Variants in TOP3A observed in about 807,000 individuals in gnomAD.
TOP3A encodes DNA topoisomerase III alpha, also known as DNA topoisomerase 3-alpha.
Under a neutral mutation model 111.3 loss-of-function variants are expected in TOP3A, and 64 were observed. The ratio of observed to expected loss-of-function variants is 0.57; its 90% confidence interval spans 0.47 to 0.71. The LOEUF is 0.71. TOP3A is among the 30% of genes least tolerant of loss of function. The pLI, the probability that TOP3A is intolerant of heterozygous loss-of-function variation, is 0.00. For synonymous variants in TOP3A, 484 were observed against 485.1 expected, an observed-to-expected ratio of 1.00 and a Z score of 0.03; for missense variants, 1,104 against 1,285.0, an observed-to-expected ratio of 0.86 and a Z score of 2.15.
chr17:18,308,756 T>C (rs1387461405), intron 2 of TOP3A, 126 bp downstream of exon 2: 1 of 565,024 alleles, frequency 1.8e-6, no homozygotes, highest in Non-Finnish European at 3.0e-6. Context: ...GATCACCCCA[T>C]ATCCAGGAAC....
chr17:18,276,178 C>T (rs542082457), intron 18 of TOP3A, among the ~76,000 whole-genome samples: 12 of 152,300 alleles, frequency 7.9e-5, no homozygotes, highest in Admixed American at 7.8e-4. Context: ...GCAAGCTGGC[C>T]TGTGTGGTAG....
rs1388208939 is a variant in TOP3A, at chr17:18,282,683, A to G, written c.2021+15T>C. 4 of 1,612,632 alleles carry G rather than the reference A, an allele frequency of 2.5e-6. No homozygotes were observed. In the South Asian group the frequency reaches 4.4e-5, roughly 18 times the overall value. On this transcript the variant is annotated intron_variant, in intron 16 of 18. Transcript: ENST00000321105. ...GCTGGGGAGCAGAGGTGGGGGCAGA[A>G]GGCAGCGCACTCACCCGCCATTCTT... is the stretch of plus-strand genomic sequence containing the variant.
In TOP3A at chr17:18,301,875, G is replaced by T; in HGVS notation, c.915+10C>A. The T allele has an allele frequency of 1.2e-6, 2 of 1,610,604 alleles. No individual in the cohort carries two copies. The highest frequency in any genetic ancestry group is 1.7e-6 in the Non-Finnish European group (2 of 1,177,056). ...TGCAGAATGTTTCCTAGATCATTAGGGGTTCTTACCTCCACACACAACTGA... is the reference window on the plus strand; with the variant it reads ...TGCAGAATGTTTCCTAGATCATTAGTGGTTCTTACCTCCACACACAACTGA... On this transcript the variant is annotated intron_variant, in intron 8 of 18. Coordinates refer to ENST00000321105, the MANE Select transcript of TOP3A (RefSeq NM_004618.5).
rs563706347 is a variant in TOP3A at position 18,289,115 on chromosome 17, C to A, written c.1597+1442G>T. ...GCATCCTCCACCTCCCGGGTTCATG[C>A]AATTCTCCTGCCTCAGCCTCCCAAG... On this transcript the variant is annotated intron_variant, in intron 13 of 18. Transcript: ENST00000321105. Among the ~76,000 whole-genome samples, 4 of 152,286 alleles carry A rather than the reference C, an allele frequency of 2.6e-5. No individual in the cohort carries two copies. The South Asian group carries it at 8.3e-4, about 32-fold the overall frequency.
intron 18 of TOP3A, 71 bp from the exon 19 acceptor site, chr17:18,275,051 G>A (rs941012009): frequency 6.5e-7 from 1 of 1,545,890 alleles, no homozygotes; most frequent in Non-Finnish European, 8.7e-7. Flanking sequence ...GAACACGGTG[G>A]CTCATGCCTG....
At chr17:18,289,567 T>C (rs897114129) in intron 13 of TOP3A, among the ~76,000 whole-genome samples, 3 of 152,166 alleles carry the variant, frequency 2.0e-5, no homozygotes, top group African/African-American at 7.2e-5. Context: ...CGTGAGCCAC[T>C]GCGCCCAGCA....
chr17:18,276,398 G>A (rs1265393507), intron 18 of TOP3A, among the ~76,000 whole-genome samples: 2 of 152,222 alleles, frequency 1.3e-5, no homozygotes. Context: ...CACTTCAAAT[G>A]TGGGTCTCTC....
chr17:18,297,192 G>A (rs1353112329), intron 9 of TOP3A, among the ~76,000 whole-genome samples: 1 of 152,210 alleles, frequency 6.6e-6, no homozygotes, highest in Non-Finnish European at 1.5e-5. Context: ...TTGGGAGGCT[G>A]AGGTGGGCAG....
At chr17:18,290,457 A>G in intron 13 of TOP3A, 100 bp downstream of exon 13, 1 of 1,288,838 alleles carries the variant, frequency 7.8e-7, no homozygotes, top group Non-Finnish European at 1.0e-6. Flanking sequence ...AAGATATAGC[A>G]GCTGCATTAG....
chr17:18,301,809 A>G, intron 8 of TOP3A, 76 bp downstream of exon 8: 1 of 1,260,060 alleles, frequency 7.9e-7, no homozygotes, highest in South Asian at 1.3e-5. Context: ...GGAGAATGAG[A>G]CAGATCACCT....
Position 18,294,730 on chromosome 17 carries a change from C to T in TOP3A, c.1046G>A (p.Arg349Lys). The T allele has an allele frequency of 2.5e-6, 4 of 1,613,208 alleles. No individual in the cohort carries two copies. Among genetic ancestry groups the T allele is most frequent in the Non-Finnish European group, 2.5e-6 (3 of 1,179,610 alleles). Residue 349 changes from arginine (R) to lysine (K), a missense_variant, in exon 10 of 19, where the codon AGG becomes AAG. By Grantham distance (26) the Arg-to-Lys change is conservative. Coordinates refer to ENST00000321105, the MANE Select transcript of TOP3A (RefSeq NM_004618.5). The stretch of plus-strand genomic sequence containing the variant: ...TTGAGTGTAGAGCTTCTCAGCAATC[C>T]TCATGGTTTCTTTAGCATTTATTCT... ...KLRINAKETMRIAEKLYTQGY... is the reference protein window; with the variant it reads ...KLRINAKETMKIAEKLYTQGY...
At chr17:18,305,482 ACACACGCGCGCG>A (rs1171201103) in intron 4 of TOP3A, among the ~76,000 whole-genome samples, 4 of 139,392 alleles carry the variant, frequency 2.9e-5, no homozygotes, top group African/African-American at 1.2e-4. Flanking sequence ...TCTAACACAC[ACACACGCGCGCG>A]CGCGCGCGCG....
rs990998218 is a variant in TOP3A, at chr17:18,282,765, G to A, written c.1954C>T (p.Pro652Ser). ...AQQEDIYPAM[P>S]EPIRKCPQCN... is the part of the protein sequence containing the mutation. ...TGTGGGCACTTCCTGATGGGCTCTG[G>A]CATGGCTGGGTAGATATCTTCTTGC... The change falls in exon 16 of 19, where the codon CCA becomes TCA. Residue 652 changes from proline to serine, a missense_variant. Coordinates refer to ENST00000321105, the MANE Select transcript of TOP3A (RefSeq NM_004618.5). The A allele has an allele frequency of 6.2e-7, 1 of 1,614,130 alleles. No homozygotes were observed. Among genetic ancestry groups the A allele is most frequent in the Admixed American group, 1.7e-5 (1 of 60,022 alleles).
chr17:18,292,576 CA>C (rs1422336262), intron 11 of TOP3A, 68 bp downstream of exon 11: 8 of 1,327,888 alleles, frequency 6.0e-6, no homozygotes, highest in African/African-American at 1.5e-5. Context: ...AGAGTAAATT[CA>C]AACCTTACTA....
chr17:18,291,179 C>A, intron 11 of TOP3A, 152 bp from the exon 12 acceptor site: 1 of 758,694 alleles, frequency 1.3e-6, no homozygotes, highest in Non-Finnish European at 2.1e-6. Flanking sequence ...GCAAACAAGT[C>A]CTGGGGAGAG....
rs746394071 is a variant in TOP3A at position 18,280,547 on chromosome 17, G to A, written c.2133C>T (p.His711=). The A allele has an allele frequency of 1.9e-6, 3 of 1,613,638 alleles. No homozygotes were observed. Among genetic ancestry groups the A allele is most frequent in the Admixed American group, 3.3e-5 (2 of 59,986 alleles). Residue 711 remains histidine, a synonymous_variant, in exon 17 of 19, where the codon CAC becomes CAT. Coordinates refer to ENST00000321105, the MANE Select transcript of TOP3A (RefSeq NM_004618.5). ...GGTGCCCAGCTCACCTGTACACAGG[G>A]TGTGGCTGACAAACTGGACACACAC... ...DSSVCPVCQP[H]PVYRLKLKFK...
chr17:18,275,344 C>CTTTTTTTTTTTTTT (rs71155327), intron 18 of TOP3A, among the ~76,000 whole-genome samples: 1 of 77,142 alleles, frequency 1.3e-5, no homozygotes, highest in African/African-American at 5.6e-5. Context: ...GCTGAACCAA[C>CTTTTTTTTTTTTTT]TTTTTTTTTT....
chr17:18,305,365 G>A (rs1240585150), intron 4 of TOP3A, 145 bp from the exon 5 acceptor site: 31 of 674,144 alleles, frequency 4.6e-5, no homozygotes, highest in Non-Finnish European at 6.2e-5. Context: ...AGAGAAAACT[G>A]CTCTCATTGG....
intron 9 of TOP3A, 39 bp from the exon 10 acceptor site, chr17:18,294,824 T>C: frequency 2.1e-6 from 3 of 1,396,988 alleles, no homozygotes; most frequent in Non-Finnish European, 3.1e-6. Context: ...GTGTACTGCA[T>C]GGGTCAGGCA....
Sources: allele counts gnomAD v4.1 joint callset (sites outside exome capture counted in the v4.1 genomes callset), GRCh38; gene constraint gnomAD v4.1.1; transcripts MANE v1.5; gene names NCBI Gene and HGNC (gene_info 2026-07-23, HGNC 2026-07-21).